GLG1: variants seen among roughly 807,000 people sequenced by gnomAD.
GLG1 encodes the protein Golgi apparatus protein 1.
GLG1 carries 38 observed loss-of-function variants against 160.5 expected under a neutral mutation model. The ratio of observed to expected loss-of-function variants is 0.24; its 90% confidence interval spans 0.18 to 0.31. GLG1 has a LOEUF of 0.31. Ranked by LOEUF, GLG1 falls within the 10% of genes least tolerant of loss-of-function variation. The pLI, the probability that GLG1 is intolerant of heterozygous loss-of-function variation, is 1.00. For synonymous variants in GLG1, 644 were observed against 543.4 expected, an observed-to-expected ratio of 1.19 and a Z score of -2.57; for missense variants, 1,373 against 1,505.2, an observed-to-expected ratio of 0.91 and a Z score of 1.45.
chr16:74,580,825 G>C (rs1186190519), intron 1 of GLG1, among the ~76,000 whole-genome samples: 1 of 152,034 alleles, frequency 6.6e-6, no homozygotes, highest in African/African-American at 2.4e-5. Flanking sequence ...AATACAAACA[G>C]CCTGATTAAT....
intron 1 of GLG1, among the ~76,000 whole-genome samples, chr16:74,597,851 C>CA (rs34802935): frequency 6.5e-4 from 67 of 103,070 alleles, no homozygotes; most frequent in South Asian, 2.0e-3. Context: ...GAGACTGCCT[C>CA]AAAAAAAAAA....
rs774537840 is a variant in GLG1 at position 74,508,869 on chromosome 16, G to A, written c.528C>T (p.Ala176=). ...TTATAGTAGATTTGCAAACCTCTCT[G>A]GCCACAGATTCAAATTTGGGATCTG... The part of the protein sequence containing the change: ...LTTDPKFESV[A]REVCKSTITE... Residue 176 remains alanine, a synonymous_variant, in exon 3 of 26, where the codon GCC becomes GCT. Coordinates refer to ENST00000422840, the MANE Select transcript of GLG1 (RefSeq NM_001145667.2). The A allele has an allele frequency of 3.3e-6, 5 of 1,534,446 alleles. No individual in the cohort carries two copies. The highest frequency in any genetic ancestry group is 1.7e-5 in the Admixed American group (1 of 59,864).
chr16:74,527,885 CT>C (rs5817914), intron 2 of GLG1, among the ~76,000 whole-genome samples: 95,765 of 104,904 alleles, frequency 0.91, 43,642 homozygotes, highest in East Asian at 0.98. Context: ...GTGGTTAATT[CT>C]TTTTTTTTTT....
chr16:74,592,059 C>T (rs1372938838), intron 1 of GLG1, among the ~76,000 whole-genome samples: 1 of 152,180 alleles, frequency 6.6e-6, no homozygotes, highest in Non-Finnish European at 1.5e-5. Flanking sequence ...TGGTCTCAAA[C>T]CTCTGGCTTA....
In GLG1 at chr16:74,469,995, T is replaced by G. The variant is rs775256675; in HGVS notation, c.2308A>C (p.Ile770Leu). The change falls in exon 16 of 26, where the codon ATA becomes CTA. Residue 770 changes from isoleucine (I) to leucine (L), a missense_variant. This residue lies in a region of GLG1 where 491 missense variants were observed against 632.1 expected (regional missense o/e 0.78). Transcript: ENST00000422840. Reference sequence around the variant, plus strand: ...CTACAAGCTACATACTTCTTTTTTATGTTTGGGCAAAGCTTCAACACGTCC... The same window carrying G: ...CTACAAGCTACATACTTCTTTTTTAGGTTTGGGCAAAGCTTCAACACGTCC... ...KEDVLKLCPN[I>L]KKKVDVVICL... The G allele has an allele frequency of 6.3e-7, 1 of 1,597,286 alleles. No individual in the cohort carries two copies. Among genetic ancestry groups the G allele is most frequent in the East Asian group, 2.2e-5 (1 of 44,830 alleles).
chr16:74,581,740 G>A (rs1304713318), intron 1 of GLG1, among the ~76,000 whole-genome samples: 3 of 151,996 alleles, frequency 2.0e-5, no homozygotes, highest in Admixed American at 1.3e-4. Flanking sequence ...GTGAAACCCC[G>A]TCTGTACTAA....
chr16:74,497,659 G>A (rs965180097), intron 4 of GLG1, among the ~76,000 whole-genome samples: 4 of 151,960 alleles, frequency 2.6e-5, no homozygotes, highest in Admixed American at 2.6e-4. Context: ...GGATGGTCTC[G>A]ATCTCCTGAC....
intron 24 of GLG1, among the ~76,000 whole-genome samples, chr16:74,457,278 T>C (rs2014589643): frequency 6.6e-6 from 1 of 152,058 alleles, no homozygotes; most frequent in Non-Finnish European, 1.5e-5. Context: ...GTGCCTGTAG[T>C]CTCAGTTACT....
chr16:74,478,830 T>C (rs1417404290), intron 11 of GLG1, among the ~76,000 whole-genome samples: 1 of 140,566 alleles, frequency 7.1e-6, no homozygotes, highest in Non-Finnish European at 1.5e-5. Flanking sequence ...GAGGCGGAGA[T>C]TGTGGTGAGC....
intron 1 of GLG1, among the ~76,000 whole-genome samples, chr16:74,534,048 G>T (rs2017618412): frequency 6.6e-6 from 1 of 152,014 alleles, no homozygotes; most frequent in African/African-American, 2.4e-5. Context: ...GTAGGCATTA[G>T]CAACATACAA....
At chr16:74,543,369 A>G (rs1220875698) in intron 1 of GLG1, among the ~76,000 whole-genome samples, 1 of 152,238 alleles carries the variant, frequency 6.6e-6, no homozygotes, top group South Asian at 2.1e-4. Flanking sequence ...TGGGAGGCTG[A>G]GGTGGACAGC....
At chr16:74,549,092 T>A (rs1400005796) in intron 1 of GLG1, among the ~76,000 whole-genome samples, 1 of 152,236 alleles carries the variant, frequency 6.6e-6, no homozygotes, top group African/African-American at 2.4e-5. Context: ...ATCTTATACA[T>A]TCCTCTCTGA....
chr16:74,587,049 T>G (rs945813521), intron 1 of GLG1, among the ~76,000 whole-genome samples: 1 of 152,172 alleles, frequency 6.6e-6, no homozygotes, highest in African/African-American at 2.4e-5. Context: ...ATTTAATATG[T>G]CAGAAGTTAA....
intron 2 of GLG1, among the ~76,000 whole-genome samples, chr16:74,529,319 G>A (rs1255359443): frequency 6.6e-6 from 1 of 151,802 alleles, no homozygotes; most frequent in Non-Finnish European, 1.5e-5. Context: ...CTACCCATAA[G>A]TTCTTAATTT....
chr16:74,519,340 G>A (rs1194072598), intron 2 of GLG1, among the ~76,000 whole-genome samples: 3 of 151,214 alleles, frequency 2.0e-5, no homozygotes, highest in Non-Finnish European at 4.4e-5. Context: ...TTTTGGGGGT[G>A]GGGGGCTAGG....
intron 13 of GLG1, among the ~76,000 whole-genome samples, chr16:74,473,471 G>C (rs1208830668): frequency 2.5e-5 from 3 of 119,480 alleles, no homozygotes; most frequent in African/African-American, 6.5e-5. Context: ...ATAGAGTCTC[G>C]CTCTGTTGCT....
At chr16:74,497,531 G>A (rs113707889) in intron 4 of GLG1, among the ~76,000 whole-genome samples, 121 of 139,502 alleles carry the variant, frequency 8.7e-4, no homozygotes, top group Admixed American at 1.5e-3. Context: ...TCCCACTCCC[G>A]GGTTCACTCT....
At chr16:74,549,270 A>ATTCC (rs1215925449) in intron 1 of GLG1, among the ~76,000 whole-genome samples, 1 of 152,056 alleles carries the variant, frequency 6.6e-6, no homozygotes, top group East Asian at 1.9e-4. Context: ...CTGTTTACAT[A>ATTCC]TTCCTTGCAG....
chr16:74,527,904 A>C (rs1188148684), intron 2 of GLG1, among the ~76,000 whole-genome samples: 2 of 96,484 alleles, frequency 2.1e-5, no homozygotes, highest in Non-Finnish European at 4.1e-5. Context: ...TTTTTTTTTG[A>C]GATGGAGTCT....
Sources: gnomAD v4.1 joint callset for allele counts (sites outside exome capture counted in the v4.1 genomes callset) on GRCh38, gnomAD v4.1.1 for gene constraint, gnomAD v4.1.1 regional missense constraint, MANE v1.5 for transcripts, NCBI Gene and HGNC (gene_info 2026-07-23, HGNC 2026-07-21) for gene names.